MYO16: variants seen among roughly 807,000 people sequenced by gnomAD.
The protein encoded by MYO16 is unconventional myosin-XVI.
In MYO16, 94 loss-of-function variants were observed where a neutral mutation model predicts 205.3. That is an observed-to-expected ratio of 0.46 (90% CI 0.39 to 0.54). The LOEUF (loss-of-function observed/expected upper bound fraction) is 0.54, where lower values mean the gene tolerates loss of function less well. Ranked by LOEUF, MYO16 falls within the 20% of genes least tolerant of loss-of-function variation. The pLI, the probability that MYO16 is intolerant of heterozygous loss-of-function variation, is 0.00. For synonymous variants in MYO16, 988 were observed against 954.0 expected, an observed-to-expected ratio of 1.04 and a Z score of -0.66; for missense variants, 2,315 against 2,387.5, an observed-to-expected ratio of 0.97 and a Z score of 0.63.
At chr13:108,601,562 T>A (rs1878764621) in intron 1 of MYO16, among the ~76,000 whole-genome samples, 1 of 151,872 alleles carries the variant, frequency 6.6e-6, no homozygotes, top group African/African-American at 2.4e-5. Flanking sequence ...TTTTTTCAAG[T>A]GTCAAGATGA....
intron 14 of MYO16, among the ~76,000 whole-genome samples, chr13:108,895,484 G>A (rs1466761713): frequency 6.6e-6 from 1 of 152,210 alleles, no homozygotes; most frequent in Non-Finnish European, 1.5e-5. Context: ...TTGACTCATG[G>A]ATGACAACGT....
rs150328150 is a variant in MYO16, at chr13:108,774,587, T to G, written c.508-11048T>G. On this transcript the variant is annotated intron_variant, in intron 4 of 34. Coordinates refer to ENST00000457511, the MANE Select transcript of MYO16 (RefSeq NM_001198950.3). ...TTTTTCGGAGCCAAACTTAGAGACG[T>G]GCCTTACAGTCTATGTTGTACAAAT... 2.5e-3 allele frequency among the ~76,000 whole-genome samples: 383 copies of G among 152,314 alleles called. 3 individuals are homozygous for G. Among genetic ancestry groups the G allele is most frequent in the African/African-American group, 9.0e-3 (374 of 41,574 alleles).
At chr13:109,087,412 G>A (rs998793791) in intron 27 of MYO16, among the ~76,000 whole-genome samples, 30 of 152,226 alleles carry the variant, frequency 2.0e-4, no homozygotes, top group Admixed American at 2.0e-3. Context: ...TTGGAAGGCC[G>A]AGGTGGGCTG....
intron 6 of MYO16, among the ~76,000 whole-genome samples, chr13:108,804,415 A>G (rs150648190): frequency 6.6e-6 from 1 of 152,040 alleles, no homozygotes; most frequent in East Asian, 1.9e-4. Context: ...CACAGGGATC[A>G]ACACTGTTGC....
chr13:108,899,453 G>A (rs1461375399), intron 15 of MYO16, among the ~76,000 whole-genome samples: 3 of 151,938 alleles, frequency 2.0e-5, no homozygotes, highest in Non-Finnish European at 4.4e-5. Context: ...AAGAAAAGAT[G>A]CTTTTAGATG....
At chr13:108,834,435 G>T (rs1488155825) in intron 9 of MYO16, among the ~76,000 whole-genome samples, 2 of 152,112 alleles carry the variant, frequency 1.3e-5, no homozygotes, top group East Asian at 1.9e-4. Flanking sequence ...ATCTCAAAGG[G>T]GCAGAGAAAA....
chr13:108,910,176 A>G, intron 16 of MYO16, 26 bp downstream of exon 16: 1 of 1,597,830 alleles, frequency 6.3e-7, no homozygotes, highest in Non-Finnish European at 8.6e-7. Flanking sequence ...TTTTGTATCT[A>G]AAAGCTATGC....
intron 4 of MYO16, among the ~76,000 whole-genome samples, chr13:108,731,194 C>T (rs1472482276): frequency 6.6e-6 from 1 of 152,194 alleles, no homozygotes; most frequent in Non-Finnish European, 1.5e-5. Flanking sequence ...TCTAGCAAGT[C>T]ACAGAAGTAG....
At chr13:109,012,053 A>ATATTAGGGATTAAGATATATTAG (rs1885620584) in intron 22 of MYO16, among the ~76,000 whole-genome samples, 2 of 152,174 alleles carry the variant, frequency 1.3e-5, no homozygotes, top group Non-Finnish European at 2.9e-5. Context: ...CACAGTGAGA[A>ATATTAGGGATTAAGATATATTAG]CGATTAAGAT....
intron 5 of MYO16, among the ~76,000 whole-genome samples, chr13:108,791,870 G>A (rs1886626353): frequency 1.3e-5 from 2 of 152,178 alleles, no homozygotes; most frequent in South Asian, 4.1e-4. Flanking sequence ...TCATGTTCAG[G>A]AGCATCAATC....
chr13:109,194,400 A>G (rs771374293), intron 34 of MYO16, among the ~76,000 whole-genome samples: 7 of 152,166 alleles, frequency 4.6e-5, no homozygotes, highest in Non-Finnish European at 7.4e-5. Flanking sequence ...TTGAAAGGTG[A>G]CTTTCTGCAT....
At chr13:109,199,680 GCCAGCAGCATCCTTAATCC>G (rs1422702932) in intron 34 of MYO16, among the ~76,000 whole-genome samples, 1 of 152,134 alleles carries the variant, frequency 6.6e-6, no homozygotes, top group African/African-American at 2.4e-5. Flanking sequence ...AACTCACGCT[GCCAGCAGCATCCTTAATCC>G]CCAGAGGCAG....
At chr13:108,817,891 G>A (rs181984974) in intron 7 of MYO16, among the ~76,000 whole-genome samples, 57 of 152,160 alleles carry the variant, frequency 3.7e-4, no homozygotes, top group African/African-American at 1.3e-3. Flanking sequence ...GACATACAAT[G>A]ACCATTTTAA....
the MYO16 span, among the ~76,000 whole-genome samples, chr13:108,523,983 T>C: frequency 1.3e-4 from 20 of 152,184 alleles, no homozygotes; most frequent in Non-Finnish European, 2.4e-4. Flanking sequence ...GAATGAGTTC[T>C]TGCAAGATCT....
chr13:108,943,449 C>CT (rs780617473), intron 16 of MYO16, among the ~76,000 whole-genome samples: 51 of 152,010 alleles, frequency 3.4e-4, no homozygotes, highest in Admixed American at 1.3e-3. Flanking sequence ...CTTGTTTCCT[C>CT]TTTTTTTTAT....
chr13:108,927,945 C>T (rs1265592725), intron 16 of MYO16, among the ~76,000 whole-genome samples: 1 of 152,258 alleles, frequency 6.6e-6, no homozygotes, highest in Non-Finnish European at 1.5e-5. Flanking sequence ...CTGATTTCCA[C>T]CAGTTCAGTA....
At chr13:109,073,302 A>T (rs1320310415) in intron 27 of MYO16, among the ~76,000 whole-genome samples, 2 of 151,414 alleles carry the variant, frequency 1.3e-5, no homozygotes, top group African/African-American at 4.9e-5. Context: ...TAGTAGAGAC[A>T]GAGTTTCACC....
chr13:108,885,345 C>T (rs1000448301), intron 13 of MYO16, among the ~76,000 whole-genome samples: 1 of 152,120 alleles, frequency 6.6e-6, no homozygotes, highest in African/African-American at 2.4e-5. Context: ...GTCTCGAACT[C>T]CTGAGCTCAG....
At chr13:108,868,419 A>G (rs1257646544) in intron 12 of MYO16, among the ~76,000 whole-genome samples, 1 of 152,188 alleles carries the variant, frequency 6.6e-6, no homozygotes, top group Non-Finnish European at 1.5e-5. Flanking sequence ...GTACAGTTAT[A>G]TCCTGTTTCG....
Sources: allele counts gnomAD v4.1 joint callset (sites outside exome capture counted in the v4.1 genomes callset), GRCh38; gene constraint gnomAD v4.1.1; transcripts MANE v1.5; gene names NCBI Gene and HGNC (gene_info 2026-07-23, HGNC 2026-07-21).